SYPL2: variants seen among roughly 807,000 people sequenced by gnomAD.
The protein encoded by SYPL2 is synaptophysin like 2.
Under a neutral mutation model 31.3 loss-of-function variants are expected in SYPL2, and 24 were observed. That is an observed-to-expected ratio of 0.77 (90% CI 0.56 to 1.08). The LOEUF (loss-of-function observed/expected upper bound fraction) is 1.08. SYPL2 is among the 50% of genes least tolerant of loss of function. The probability of loss-of-function intolerance (pLI) is 0.00; values close to 1 mark genes in which losing one functional copy is unlikely to be tolerated. For missense variants in SYPL2, 342 were observed against 360.1 expected (o/e 0.95, Z 0.41); for synonymous variants, 144 against 143.1 (o/e 1.01, Z -0.05).
At chr1:109,474,912 T>C (rs1655949804) in intron 2 of SYPL2, among the ~76,000 whole-genome samples, 1 of 152,216 alleles carries the variant, frequency 6.6e-6, no homozygotes, top group Admixed American at 6.5e-5. Context: ...GCCAAGATTG[T>C]CACATTGGCC....
chr1:109,478,147 T>C lies in SYPL2; in HGVS notation c.648+138T>C. 2.1e-6 allele frequency: 3 copies of C among 1,444,772 alleles called. No individual in the cohort carries two copies. The highest frequency in any genetic ancestry group is 1.4e-5 in the South Asian group (1 of 68,988). The allele number at this position is 1,444,772 out of a possible 1,614,324, so 89.5% of individuals were successfully genotyped here. On this transcript the variant is annotated intron_variant, in intron 5 of 5. Coordinates refer to ENST00000369872, the MANE Select transcript of SYPL2 (RefSeq NM_001040709.2). This position sits in a 1 kb window ranked among gnomAD's most constrained non-coding sequence, Gnocchi z 4.0. ...CCTGGAGCTGGTGCCCTCACTGCGC[T>C]TCATGCTGGCTGCTGGCTCCTGGCT...
intron 3 of SYPL2, 143 bp downstream of exon 3, chr1:109,475,848 T>C: frequency 1.6e-6 from 2 of 1,267,244 alleles, no homozygotes; most frequent in Non-Finnish European, 2.1e-6. Context: ...ACTTAGATCC[T>C]TTCTGCTTTT....
rs1358879435 is a variant in SYPL2 at position 109,481,955 on chromosome 1, C to T, written c.*2407C>T. On this transcript the variant is annotated 3_prime_UTR_variant, in exon 6 of 6. Transcript: ENST00000369872. ...TGCCCTTTGTCCCACTAGACTCTAACCCAGCACCAGGGTGCCCACCTAGGA... is the reference window on the plus strand; with the variant it reads ...TGCCCTTTGTCCCACTAGACTCTAATCCAGCACCAGGGTGCCCACCTAGGA... The T allele has an allele frequency of 6.6e-6, 1 of 152,604 alleles. No homozygotes were observed. The highest frequency in any genetic ancestry group is 2.4e-5 in the African/African-American group (1 of 41,442). The allele number at this position is 152,604 out of a possible 1,614,324, so 9.5% of individuals were successfully genotyped here.
intron 2 of SYPL2, among the ~76,000 whole-genome samples, chr1:109,473,515 A>C (rs1290362408): frequency 6.6e-6 from 1 of 152,200 alleles, no homozygotes; most frequent in Non-Finnish European, 1.5e-5. Context: ...AGCCCAGTCA[A>C]GAGTACACTG....
At chr1:109,473,285 A>G (rs1221604894) in intron 2 of SYPL2, among the ~76,000 whole-genome samples, 1 of 152,192 alleles carries the variant, frequency 6.6e-6, no homozygotes, top group Non-Finnish European at 1.5e-5. Flanking sequence ...AGAGGAGGGT[A>G]TTTAGGCATT....
Position 109,477,835 on chromosome 1 carries a change from C to T in SYPL2, c.474C>T (p.Val158=), listed in dbSNP as rs776909801. The T allele has an allele frequency of 6.2e-7, 1 of 1,610,256 alleles. No homozygotes were observed. The highest frequency in any genetic ancestry group is 1.1e-5 in the South Asian group (1 of 90,532). Residue 158 remains valine, a synonymous_variant, in exon 5 of 6, where the codon GTC becomes GTT. Coordinates refer to ENST00000369872, the MANE Select transcript of SYPL2 (RefSeq NM_001040709.2). ...RFPLVDFCVT[V]SFTFFWLVAA... ...CCTCCCAGGACTTCTGTGTGACTGTCTCCTTCACCTTCTTCTGGCTGGTAG... is the reference window on the plus strand; with the variant it reads ...CCTCCCAGGACTTCTGTGTGACTGTTTCCTTCACCTTCTTCTGGCTGGTAG...
rs1399394582 is a variant in SYPL2, at chr1:109,482,012, A to T, written c.*2464A>T. The stretch of plus-strand genomic sequence containing the variant: ...CTGGACATGAGTTTCCTTCACTATC[A>T]TAGTCATGAGCCTCCTACTTCTGGG... On this transcript the variant is annotated 3_prime_UTR_variant, in exon 6 of 6. Transcript: ENST00000369872. 6.6e-6 allele frequency: 1 copy of T among 152,536 alleles called. No homozygotes were observed. The highest frequency in any genetic ancestry group is 2.4e-5 in the African/African-American group (1 of 41,406). The allele number at this position is 152,536 out of a possible 1,614,324, so 9.4% of individuals were successfully genotyped here. A position where few individuals can be genotyped will look rare whatever the true frequency, so the allele number is the denominator to read the frequency against.
At chr1:109,468,305 G>A (rs980495535) in intron 2 of SYPL2, among the ~76,000 whole-genome samples, 1 of 152,192 alleles carries the variant, frequency 6.6e-6, no homozygotes, top group African/African-American at 2.4e-5. Context: ...AGTTCTACAG[G>A]GCTTTGGAGA....
At chr1:109,470,263 TA>T (rs56232648) in intron 2 of SYPL2, among the ~76,000 whole-genome samples, 9,634 of 152,276 alleles carry the variant, frequency 0.063, 338 homozygotes, top group African/African-American at 0.086. Flanking sequence ...GTGCTGAGAT[TA>T]CAGGCATGAG....
At chr1:109,467,253 GGGGGCGGCGACAGGTGGGCGGGGGA>G in intron 2 of SYPL2, 120 bp downstream of exon 2, 1 of 743,214 alleles carries the variant, frequency 1.3e-6, no homozygotes, top group Non-Finnish European at 2.1e-6. Context: ...CGGAAGGGTG[GGGGGCGGCGACAGGTGGGCGGGGGA>G]GGGGCGGGCT....
At chr1:109,475,377 C>T in intron 2 of SYPL2, 1 of 620,188 alleles carries the variant, frequency 1.6e-6, no homozygotes, top group Non-Finnish European at 2.7e-6. Context: ...ACCTTGTATT[C>T]ATTTGGCTAT....
chr1:109,471,232 G>A (rs1655822460), intron 2 of SYPL2, among the ~76,000 whole-genome samples: 1 of 152,152 alleles, frequency 6.6e-6, no homozygotes, highest in South Asian at 2.1e-4. Flanking sequence ...CTGCTGTTCT[G>A]TGAACCTGTG....
rs1488825769 is a variant in SYPL2, at chr1:109,479,485, G to T, written c.756G>T (p.Gln252His). The T allele has an allele frequency of 6.8e-6, 11 of 1,614,078 alleles. No individual in the cohort carries two copies. Among genetic ancestry groups the T allele is most frequent in the Non-Finnish European group, 8.5e-6 (10 of 1,180,030 alleles). ...AGGGCCAGGACCAGGACCAGGACCA[G>T]GACCAGGGCCAGGGTCCCAGCCAGG... ...QGQGQDQDQD[Q>H]DQGQGPSQES... The change falls in exon 6 of 6, where the codon CAG becomes CAT. Residue 252 changes from glutamine to histidine, a missense_variant. Transcript: ENST00000369872.
chr1:109,477,031 G>C, intron 4 of SYPL2, 54 bp downstream of exon 4: 1 of 1,604,552 alleles, frequency 6.2e-7, no homozygotes, highest in Non-Finnish European at 8.5e-7. Context: ...GTTTGTGAGG[G>C]GGTTGAGGTC....
chr1:109,471,968 T>C (rs1655848991), intron 2 of SYPL2, among the ~76,000 whole-genome samples: 1 of 151,578 alleles, frequency 6.6e-6, no homozygotes, highest in African/African-American at 2.4e-5. Context: ...CTTCCCAAAG[T>C]GTTGGGATTA....
chr1:109,475,174 AGT>A (rs1470905995), intron 2 of SYPL2: 1 of 157,972 alleles, frequency 6.3e-6, no homozygotes, highest in Admixed American at 6.4e-5. Context: ...AATCTTTTTG[AGT>A]GTGTCTCTCC....
intron 3 of SYPL2, 30 bp downstream of exon 3, chr1:109,475,735 A>G: frequency 6.2e-7 from 1 of 1,600,966 alleles, no homozygotes; most frequent in Non-Finnish European, 8.5e-7. Context: ...AACCCAGCAC[A>G]TCATCTCTCA....
rs758559809 is a variant in SYPL2 at position 109,479,560 on chromosome 1, C to A, written c.*12C>A. 4 of 1,610,274 alleles carry A rather than the reference C, an allele frequency of 2.5e-6. No homozygotes were observed. The African/African-American group carries it at 5.3e-5, about 22-fold the overall frequency. On this transcript the variant is annotated 3_prime_UTR_variant, in exon 6 of 6. Transcript: ENST00000369872. ...TGGAGAAGCAGTAAGCAGCCCCCCA[C>A]CTGGCTATTCCCGAACTGGACAGCA...
chr1:109,473,768 G>A (rs1323185970), intron 2 of SYPL2, among the ~76,000 whole-genome samples: 1 of 152,016 alleles, frequency 6.6e-6, no homozygotes, highest in Non-Finnish European at 1.5e-5. Context: ...GGTGGTGGGC[G>A]CCTATAGTCC....
Sources: gnomAD v4.1 joint callset for allele counts (sites outside exome capture counted in the v4.1 genomes callset) on GRCh38, gnomAD v4.1.1 for gene constraint, Gnocchi (gnomAD v3.1) non-coding constraint, MANE v1.5 for transcripts, NCBI Gene and HGNC (gene_info 2026-07-23, HGNC 2026-07-21) for gene names.